The following PIWIL4 variants were observed in gnomAD, a reference collection of about 807,000 sequenced individuals.
PIWIL4 encodes the protein piwi like RNA-mediated gene silencing 4.
A neutral mutation model predicts 100.9 loss-of-function variants in PIWIL4; 50 were observed. The ratio of observed to expected loss-of-function variants is 0.50; its 90% CI spans 0.39 to 0.63. PIWIL4 has a LOEUF of 0.63. PIWIL4 is among the 20% of genes least tolerant of loss of function. The pLI is 0.00. For synonymous variants in PIWIL4, 342 were observed against 367.5 expected (o/e 0.93, Z 0.79); for missense variants, 887 against 1,043.3 (o/e 0.85, Z 2.06).
At chr11:94,588,245 G>T (rs1338528907) in intron 7 of PIWIL4, among the ~76,000 whole-genome samples, 1 of 152,112 alleles carries the variant, frequency 6.6e-6, no homozygotes, top group Non-Finnish European at 1.5e-5. Context: ...GTTTGCTGAG[G>T]ATAATGGCTT....
At chr11:94,617,922 A>T in intron 16 of PIWIL4, 32 bp from the exon 17 acceptor site, 1 of 1,606,990 alleles carries the variant, frequency 6.2e-7, no homozygotes. Context: ...TTAGAAAAGT[A>T]ATTCTTTTCT....
At chr11:94,607,354 T>C in intron 13 of PIWIL4, 85 bp from the exon 14 acceptor site, 2 of 1,225,810 alleles carry the variant, frequency 1.6e-6, no homozygotes, top group Non-Finnish European at 2.3e-6. Context: ...GTTTGGAGAA[T>C]AATTCATGAA....
At chr11:94,593,669 A>G (rs901844302) in intron 9 of PIWIL4, 28 bp downstream of exon 9, 7 of 1,610,292 alleles carry the variant, frequency 4.3e-6, no homozygotes, top group Non-Finnish European at 5.9e-6. Flanking sequence ...TACCTCTGTC[A>G]GGCTCCTGGA....
rs372372675 is a variant in PIWIL4, at chr11:94,568,833, T to A, written c.166+25T>A. ...GGTAAGTGCAGCTCAGCCTGTTCATTTAGTACCATTCAACCTGAATGGAGC... is the reference window on the plus strand; with the variant it reads ...GGTAAGTGCAGCTCAGCCTGTTCATATAGTACCATTCAACCTGAATGGAGC... On this transcript the variant is annotated intron_variant, in intron 2 of 19. Transcript: ENST00000299001. 134 of 1,564,048 alleles carry A rather than the reference T, an allele frequency of 8.6e-5. No individual in the cohort carries two copies. The African/African-American group carries it at 1.4e-3, about 17-fold the overall frequency.
Position 94,567,488 on chromosome 11 carries a change from C to G in PIWIL4, c.-31C>G. The G allele has an allele frequency of 6.6e-7, 1 of 1,514,598 alleles. No individual in the cohort carries two copies. The highest frequency in any genetic ancestry group is 1.4e-5 in the African/African-American group (1 of 72,930). 93.8% of individuals were successfully genotyped at this position (1,514,598 alleles called of 1,614,324 possible). The stretch of plus-strand genomic sequence containing the variant: ...ACATATCCTAACTGAGACTTTGCAG[C>G]TCTTGTGGCCACTCTGGGCTCACCG... On this transcript the variant is annotated 5_prime_UTR_variant, in exon 1 of 20. Transcript: ENST00000299001.
chr11:94,619,872 A>G lies in PIWIL4; in HGVS notation c.2281A>G (p.Thr761Ala), dbSNP rs770007042. 6.2e-7 allele frequency: 1 copy of G among 1,614,240 alleles called. No individual in the cohort carries two copies. The highest frequency in any genetic ancestry group is 1.1e-5 in the South Asian group (1 of 91,090). ...TGGCACTGTTGTGGATTCAGAAGCAACACGTAACGAATGGCAAGTGCCGCT... is the reference window on the plus strand; with the variant it reads ...TGGCACTGTTGTGGATTCAGAAGCAGCACGTAACGAATGGCAAGTGCCGCT... The part of the protein sequence containing the change: ...PLGTVVDSEA[T>A]RNEWYDFYLI... The change falls in exon 18 of 20, where the codon ACA becomes GCA. Residue 761 changes from threonine (T) to alanine (A), a missense_variant. Thr to Ala is a moderately conservative substitution (Grantham distance 58). Around this residue, in one of 2 missense-constraint regions of PIWIL4, gnomAD observed 741 missense variants for 930.0 expected, o/e 0.80. Coordinates refer to ENST00000299001, the MANE Select transcript of PIWIL4 (RefSeq NM_152431.3).
At chr11:94,568,232 G>A (rs906277111) in intron 1 of PIWIL4, among the ~76,000 whole-genome samples, 2 of 152,160 alleles carry the variant, frequency 1.3e-5, no homozygotes, top group Non-Finnish European at 2.9e-5. Context: ...AGCAGGCCAA[G>A]ATGGAGTAAC....
At chr11:94,612,321 T>TC (rs1216807362) in intron 15 of PIWIL4, among the ~76,000 whole-genome samples, 2 of 151,874 alleles carry the variant, frequency 1.3e-5, no homozygotes, top group Non-Finnish European at 2.9e-5. Flanking sequence ...TGAGGTTTTT[T>TC]TTTTTTTTTT....
intron 3 of PIWIL4, among the ~76,000 whole-genome samples, chr11:94,576,199 A>T (rs1022338582): frequency 6.6e-6 from 1 of 152,144 alleles, no homozygotes; most frequent in Admixed American, 6.5e-5. Flanking sequence ...TAATGGTGCG[A>T]TCTTGGTTCA....
chr11:94,610,939 G>A (rs1216589267), intron 15 of PIWIL4, among the ~76,000 whole-genome samples: 1 of 152,086 alleles, frequency 6.6e-6, no homozygotes, highest in Admixed American at 6.6e-5. Context: ...AATCCATTTA[G>A]AGTTAATATT....
At position 94,620,120 on chromosome 11, in the gene PIWIL4, G is replaced by T; in HGVS notation, c.2418G>T (p.Leu806Phe). ...PDHMQRLTFK[L>F]CHLYYNWPGI... ...ATATGCAGAGACTTACATTCAAATT[G>T]TGCCACCTGTACTACAACTGGCCGG... Residue 806 changes from leucine to phenylalanine, a missense_variant, in exon 19 of 20, where the codon TTG (leucine) becomes TTT (phenylalanine). By Grantham distance (22) the Leu-to-Phe change is conservative (BLOSUM62 0). Transcript: ENST00000299001. The T allele has an allele frequency of 6.2e-7, 1 of 1,607,766 alleles. No homozygotes were observed. The highest frequency in any genetic ancestry group is 1.1e-5 in the South Asian group (1 of 90,104).
intron 14 of PIWIL4, chr11:94,608,342 T>C (rs895729148): frequency 2.5e-6 from 1 of 402,498 alleles, no homozygotes; most frequent in Non-Finnish European, 4.5e-6. Flanking sequence ...CAAAGGATGA[T>C]GGTTATCTTG....
In PIWIL4 at chr11:94,620,965, A is replaced by G; in HGVS notation, c.2532A>G (p.Glu844=). The change falls in exon 20 of 20, where the codon GAA becomes GAG. Residue 844 remains glutamate, a synonymous_variant. Transcript: ENST00000299001. ...AQSIHKEPSL[E]LANHLFYL is the part of the protein sequence containing the mutation. ...GCATTCATAAAGAACCCAGTCTGGA[A>G]TTAGCCAACCATCTCTTCTACCTGT... The G allele has an allele frequency of 6.2e-7, 1 of 1,613,560 alleles. No homozygotes were observed. Among genetic ancestry groups the G allele is most frequent in the Non-Finnish European group, 8.5e-7 (1 of 1,179,692 alleles).
intron 3 of PIWIL4, 131 bp from the exon 4 acceptor site, chr11:94,577,147 T>C (rs1458464418): frequency 1.4e-6 from 1 of 693,286 alleles, no homozygotes; most frequent in Non-Finnish European, 2.4e-6. Context: ...ATTTATCCTG[T>C]GTCACTGTGC....
intron 15 of PIWIL4, among the ~76,000 whole-genome samples, chr11:94,613,929 A>AT (rs1248718178): frequency 5.9e-5 from 9 of 151,548 alleles, no homozygotes; most frequent in Admixed American, 3.9e-4. Context: ...TGTCCAGCTA[A>AT]TTTTTTTTAT....
chr11:94,586,653 CT>C (rs999192067), intron 6 of PIWIL4, among the ~76,000 whole-genome samples: 94 of 151,904 alleles, frequency 6.2e-4, no homozygotes, highest in African/African-American at 1.3e-3. Flanking sequence ...TTTCCCCCCC[CT>C]CTTCAGGGAA....
intron 4 of PIWIL4, among the ~76,000 whole-genome samples, chr11:94,580,390 A>G (rs1055585121): frequency 6.6e-6 from 1 of 152,152 alleles, no homozygotes; most frequent in African/African-American, 2.4e-5. Context: ...CATCTCAGCC[A>G]CTAGTTGACG....
At chr11:94,567,820 TAA>T (rs1948096448) in intron 1 of PIWIL4, 1 of 1,170,826 alleles carries the variant, frequency 8.5e-7, no homozygotes, top group African/African-American at 1.6e-5. Flanking sequence ...TATTAGCCAG[TAA>T]AGAGGACTGA....
chr11:94,618,956 T>C (rs1948876319), intron 17 of PIWIL4, among the ~76,000 whole-genome samples: 2 of 152,126 alleles, frequency 1.3e-5, no homozygotes, highest in South Asian at 2.1e-4. Context: ...AATACTTTGC[T>C]CTCCACTGAT....
Sources: gnomAD v4.1 joint callset for allele counts (sites outside exome capture counted in the v4.1 genomes callset) on GRCh38, gnomAD v4.1.1 for gene constraint, gnomAD v4.1.1 regional missense constraint, MANE v1.5 for transcripts, NCBI Gene and HGNC (gene_info 2026-07-23, HGNC 2026-07-21) for gene names.